The following CAMTA1 variants were observed in gnomAD, a reference collection of about 807,000 sequenced individuals.
The protein encoded by CAMTA1 is calmodulin binding transcription activator 1, also known as calmodulin-binding transcription activator 1.
A neutral mutation model predicts 170.9 loss-of-function variants in CAMTA1; 27 were observed. The observed-to-expected ratio is 0.16, with a 90% CI of 0.12 to 0.22. The LOEUF is 0.22. Ranked by LOEUF, CAMTA1 falls within the 10% of genes least tolerant of loss-of-function variation. The pLI is 1.00. For missense variants in CAMTA1, 1,619 were observed against 2,217.2 expected, an observed-to-expected ratio of 0.73 and a Z score of 5.42; for synonymous variants, 833 against 891.5, an observed-to-expected ratio of 0.93 and a Z score of 1.17.
intron 5 of CAMTA1, among the ~76,000 whole-genome samples, chr1:7,361,597 C>A (rs142289596): frequency 2.0e-5 from 3 of 152,322 alleles, no homozygotes; most frequent in East Asian, 1.9e-4. Context: ...ACCTGAGCAA[C>A]TTTTCCACAG....
intron 4 of CAMTA1, among the ~76,000 whole-genome samples, chr1:7,104,167 T>G (rs1030551030): frequency 7.0e-6 from 1 of 142,752 alleles, no homozygotes; most frequent in African/African-American, 2.7e-5. Flanking sequence ...TGCATACAAC[T>G]ACACACATAT....
intron 3 of CAMTA1, among the ~76,000 whole-genome samples, chr1:7,086,304 C>T (rs7538211): frequency 0.24 from 36,504 of 151,700 alleles, 4,508 homozygotes; most frequent in East Asian, 0.32. Context: ...CTGGGGAGGC[C>T]GCCGGGCACG....
At chr1:7,307,645 G>T (rs1316111392) in intron 5 of CAMTA1, among the ~76,000 whole-genome samples, 1 of 151,902 alleles carries the variant, frequency 6.6e-6, no homozygotes, top group Non-Finnish European at 1.5e-5. Flanking sequence ...TCTTAACATG[G>T]TAAATTACAG....
At chr1:7,376,794 C>G (rs1481930554) in intron 5 of CAMTA1, among the ~76,000 whole-genome samples, 1 of 152,162 alleles carries the variant, frequency 6.6e-6, no homozygotes, top group Non-Finnish European at 1.5e-5. Flanking sequence ...GAGATGGAAG[C>G]CAATGGTACT....
intron 5 of CAMTA1, among the ~76,000 whole-genome samples, chr1:7,464,701 TC>T (rs2093169816): frequency 6.6e-6 from 1 of 152,166 alleles, no homozygotes; most frequent in Non-Finnish European, 1.5e-5. Context: ...TGCAGCCTCC[TC>T]TGATGTCCCC....
rs114524122 is a variant in CAMTA1 at position 7,327,535 on chromosome 1, G to A, written c.438+77909G>A. Among the ~76,000 whole-genome samples the A allele has an allele frequency of 5.7e-3, 864 of 152,270 alleles. 6 individuals are homozygous for A. The highest frequency in any genetic ancestry group is 0.019 in the African/African-American group (771 of 41,546). ...TAAGGTGGTAGTGTTGGAGACATGA[G>A]GAGAAGGTTTTTTTAAGATTGAAGA... On this transcript the variant is annotated intron_variant, in intron 5 of 22. Coordinates refer to ENST00000303635, the MANE Select transcript of CAMTA1 (RefSeq NM_015215.4).
intron 6 of CAMTA1, among the ~76,000 whole-genome samples, chr1:7,587,247 C>T (rs2095318437): frequency 6.6e-6 from 1 of 152,074 alleles, no homozygotes; most frequent in Non-Finnish European, 1.5e-5. Flanking sequence ...CACCCGCCGC[C>T]CCTGCAGGCG....
intron 5 of CAMTA1, among the ~76,000 whole-genome samples, chr1:7,348,220 G>A (rs990757729): frequency 2.6e-5 from 4 of 152,162 alleles, no homozygotes; most frequent in Non-Finnish European, 2.9e-5. Flanking sequence ...TGGTTCTCAC[G>A]CCTTGCCTCA....
In CAMTA1 at chr1:7,665,640, A is replaced by G. The variant is rs1310789311; in HGVS notation, c.2652+441A>G. 1.3e-5 allele frequency among the ~76,000 whole-genome samples: 2 copies of G among 152,094 alleles called. No homozygotes were observed. The highest frequency in any genetic ancestry group is 2.4e-5 in the African/African-American group (1 of 41,428). ...TGAGTCCGGAGGAGCACTTGAGCCC[A>G]AGAGGTTGAGGCTGCAGTGAGCTGT... is the stretch of plus-strand genomic sequence containing the variant. On this transcript the variant is annotated intron_variant, in intron 9 of 22. Transcript: ENST00000303635. The surrounding 1 kb of genome is among the most constrained non-coding windows in gnomAD (Gnocchi z 4.3).
intron 4 of CAMTA1, among the ~76,000 whole-genome samples, chr1:7,111,596 G>A: frequency 6.6e-6 from 1 of 152,094 alleles, no homozygotes; most frequent in Admixed American, 6.6e-5. Context: ...CCTGTAAAAT[G>A]GGTTTATGGC....
At chr1:7,395,374 C>A (rs78087219) in intron 5 of CAMTA1, among the ~76,000 whole-genome samples, 2,093 of 152,128 alleles carry the variant, frequency 0.014, 51 homozygotes, top group African/African-American at 0.048. Flanking sequence ...AAAATTGGTT[C>A]CCTGTAAGTA....
intron 5 of CAMTA1, among the ~76,000 whole-genome samples, chr1:7,461,533 C>T (rs182083966): frequency 9.9e-4 from 151 of 152,308 alleles, no homozygotes; most frequent in Non-Finnish European, 1.7e-3. Context: ...TTCGAACAGC[C>T]GCAGTGACTA....
chr1:6,847,901 C>A (rs1268580940), intron 3 of CAMTA1, among the ~76,000 whole-genome samples: 6 of 147,320 alleles, frequency 4.1e-5, no homozygotes, highest in Non-Finnish European at 1.5e-5. Context: ...TTAGTAGAGA[C>A]GGGGTTTCAG....
chr1:6,812,493 A>G (rs1645292654), intron 1 of CAMTA1, among the ~76,000 whole-genome samples: 1 of 152,260 alleles, frequency 6.6e-6, no homozygotes, highest in African/African-American at 2.4e-5. Flanking sequence ...AAACAAAATT[A>G]TCATTAGTAT....
At chr1:7,296,436 A>T (rs774129560) in intron 5 of CAMTA1, among the ~76,000 whole-genome samples, 25 of 152,224 alleles carry the variant, frequency 1.6e-4, no homozygotes, top group Non-Finnish European at 3.1e-4. Flanking sequence ...CTTCTTGACA[A>T]GAGAAGATGA....
At chr1:7,687,436 G>C (rs2149368768) in intron 11 of CAMTA1, among the ~76,000 whole-genome samples, 1 of 152,246 alleles carries the variant, frequency 6.6e-6, no homozygotes, top group South Asian at 2.1e-4. Context: ...CGGATTTGCA[G>C]AATTCAGAGA....
At chr1:7,124,417 T>A (rs557692368) in intron 4 of CAMTA1, among the ~76,000 whole-genome samples, 33 of 152,346 alleles carry the variant, frequency 2.2e-4, no homozygotes, top group African/African-American at 7.7e-4. Flanking sequence ...TGTTACCTCC[T>A]TTCTGATGCT....
intron 3 of CAMTA1, among the ~76,000 whole-genome samples, chr1:6,872,666 T>C (rs367950289): frequency 1.3e-5 from 2 of 152,302 alleles, no homozygotes; most frequent in East Asian, 3.9e-4. Context: ...TGTATTTCTC[T>C]TTTCAGAAAA....
Position 7,732,263 on chromosome 1 carries a change from A to G in CAMTA1, c.2915-185A>G, listed in dbSNP as rs2096739356. On this transcript the variant is annotated intron_variant, in intron 11 of 22. Coordinates refer to ENST00000303635, the MANE Select transcript of CAMTA1 (RefSeq NM_015215.4). This position sits in a 1 kb window ranked among gnomAD's most constrained non-coding sequence, Gnocchi z 4.1. Reference sequence around the variant, plus strand: ...AGAACTTCGGGCTGCTGAAGGTGCCACCATCCTGTGTGAGGTGGTGACAGA... The same window carrying G: ...AGAACTTCGGGCTGCTGAAGGTGCCGCCATCCTGTGTGAGGTGGTGACAGA... 6.6e-6 allele frequency among the ~76,000 whole-genome samples: 1 copy of G among 152,122 alleles called. No homozygotes were observed. The highest frequency in any genetic ancestry group is 2.1e-4 in the South Asian group (1 of 4,830).
Sources: gnomAD v4.1 joint callset for allele counts (sites outside exome capture counted in the v4.1 genomes callset) on GRCh38, gnomAD v4.1.1 for gene constraint, Gnocchi (gnomAD v3.1) non-coding constraint, MANE v1.5 for transcripts, NCBI Gene and HGNC (gene_info 2026-07-23, HGNC 2026-07-21) for gene names.